The following EME1 variants were observed in gnomAD, a reference collection of about 807,000 sequenced individuals.
The protein encoded by EME1 is structure-specific endonuclease subunit EME1.
Under a neutral mutation model 59.1 loss-of-function variants are expected in EME1, and 61 were observed. That is an observed-to-expected ratio of 1.03 (90% CI 0.84 to 1.28). The LOEUF is 1.28. Among genes scored for constraint, EME1 ranks in the 50% most tolerant of loss-of-function variants. The pLI, the probability that EME1 is intolerant of heterozygous loss-of-function variation, is 0.00. For synonymous variants in EME1, 230 were observed against 254.2 expected, an observed-to-expected ratio of 0.90 and a Z score of 0.90; for missense variants, 635 against 682.6, an observed-to-expected ratio of 0.93 and a Z score of 0.78.
intron 1 of EME1, among the ~76,000 whole-genome samples, chr17:50,374,480 C>T (rs1435291550): frequency 1.3e-5 from 2 of 152,078 alleles, no homozygotes; most frequent in Admixed American, 1.3e-4. Context: ...CTCAAGTGAT[C>T]CTTCTGCTTT....
Position 50,375,332 on chromosome 17 carries a change from G to T in EME1, c.124G>T (p.Glu42Ter). Residue 42 changes from glutamate to a stop codon, truncating the protein, a stop_gained, in exon 2 of 9, where the codon GAG becomes TAG. Coordinates refer to ENST00000338165, the MANE Select transcript of EME1 (RefSeq NM_152463.4). LOFTEE classifies it high-confidence loss of function. ...AAAGAGGAGACAGCCTGAAAGGGAA[G>T]AGAAGATTGTAGTGGTTGACATCTC... ...STKRRQPEREEKIVVVDISDC... is the reference protein window; with the variant it reads ...STKRRQPERE 6.2e-7 allele frequency: 1 copy of T among 1,614,224 alleles called. No individual in the cohort carries two copies. Among genetic ancestry groups the T allele is most frequent in the Non-Finnish European group, 8.5e-7 (1 of 1,180,042 alleles).
chr17:50,378,391 C>G lies in EME1; in HGVS notation c.904-204C>G, dbSNP rs1479787422. ...TATGTTCCTTTCTTATTCACTGTCT[C>G]TGAGATGCAGGGCACCAAGACTGAA... is the stretch of plus-strand genomic sequence containing the variant. On this transcript the variant is annotated intron_variant, in intron 3 of 8. Transcript: ENST00000338165. 2.0e-5 allele frequency among the ~76,000 whole-genome samples: 3 copies of G among 152,186 alleles called. No individual in the cohort carries two copies. In the East Asian group the frequency reaches 5.8e-4, roughly 29 times the overall value.
intron 1 of EME1, chr17:50,374,952 T>A (rs1423065077): frequency 2.9e-6 from 1 of 347,042 alleles, no homozygotes; most frequent in African/African-American, 2.1e-5. Flanking sequence ...AATTTTGTAA[T>A]GGTAACTCTA....
Position 50,375,661 on chromosome 17 carries a change from A to G in EME1, c.453A>G (p.Pro151=). The G allele has an allele frequency of 6.2e-7, 1 of 1,614,134 alleles. No homozygotes were observed. The highest frequency in any genetic ancestry group is 8.5e-7 in the Non-Finnish European group (1 of 1,180,038). ...CTGAAGTTCCCCTCCATGATACCCCAGAGAGGAGTGCAGCAGATAACAAGG... is the reference window on the plus strand; with the variant it reads ...CTGAAGTTCCCCTCCATGATACCCCGGAGAGGAGTGCAGCAGATAACAAGG... ...KIPEVPLHDT[P]ERSAADNKDL... is the part of the protein sequence containing the mutation. The change falls in exon 2 of 9, where the codon CCA becomes CCG. Residue 151 remains proline (P), a synonymous_variant. Transcript: ENST00000338165.
At position 50,375,596 on chromosome 17, in the gene EME1, G is replaced by A; in HGVS notation, c.388G>A (p.Gly130Ser). 6.3e-7 allele frequency: 1 copy of A among 1,597,006 alleles called. No homozygotes were observed. The highest frequency in any genetic ancestry group is 1.1e-5 in the South Asian group (1 of 90,796). The change falls in exon 2 of 9, where the codon GGT (glycine) becomes AGT (serine). Residue 130 changes from glycine to serine, a missense_variant. Coordinates refer to ENST00000338165, the MANE Select transcript of EME1 (RefSeq NM_152463.4). ...KSVLDHQNNE[G>S]ASCDWKKPFP... ...TGTTTTGGATCATCAAAATAATGAAGGTGCATCATGTGACTGGAAAAAGCC... is the reference window on the plus strand; with the variant it reads ...TGTTTTGGATCATCAAAATAATGAAAGTGCATCATGTGACTGGAAAAAGCC...
rs1420896602 is a variant in EME1 at position 50,378,631 on chromosome 17, G to C, written c.940G>C (p.Val314Leu). The change falls in exon 4 of 9, where the codon GTG (valine) becomes CTG (leucine). Residue 314 changes from valine (V) to leucine (L), a missense_variant. By Grantham distance (32) the Val-to-Leu change is conservative (BLOSUM62 1). Coordinates refer to ENST00000338165, the MANE Select transcript of EME1 (RefSeq NM_152463.4). ...CTGGGTGGAGGAGCCAACAGTACTG[G>C]TGTTGCTCCGGGCAGAGGCATTTGT... ...EDWVEEPTVL[V>L]LLRAEAFVSM... The C allele has an allele frequency of 2.5e-6, 4 of 1,614,116 alleles. No homozygotes were observed. The East Asian group carries it at 8.9e-5, about 36-fold the overall frequency.
rs1469948782 is a variant in EME1, at chr17:50,373,859, GGATA to G, written c.-25+583_-25+586del. On this transcript the variant is annotated intron_variant, in intron 1 of 8. Coordinates refer to ENST00000338165, the MANE Select transcript of EME1 (RefSeq NM_152463.4). Reference sequence around the variant, plus strand: ...CAAATTAAATGTCCAAGTGATGAATGGATAAACAAAATGTAGCATATCCATACAG... The same window carrying G: ...CAAATTAAATGTCCAAGTGATGAATGAACAAAATGTAGCATATCCATACAG... 6.6e-5 allele frequency among the ~76,000 whole-genome samples: 10 copies of G among 152,288 alleles called. No homozygotes were observed. In the East Asian group the frequency reaches 1.9e-3, roughly 29 times the overall value.
At chr17:50,380,708 G>A (rs1395028231) in intron 8 of EME1, 55 bp from the exon 9 acceptor site, 15 of 1,607,992 alleles carry the variant, frequency 9.3e-6, no homozygotes, top group Non-Finnish European at 1.3e-5. Context: ...CCATGCTCAT[G>A]GAGAAGGGAT....
At position 50,379,443 on chromosome 17, in the gene EME1, G is replaced by T; in HGVS notation, c.1231-9G>T. The T allele has an allele frequency of 6.2e-7, 1 of 1,613,656 alleles. No homozygotes were observed. On this transcript the variant is annotated splice_polypyrimidine_tract_variant and intron_variant, in intron 6 of 8. Coordinates refer to ENST00000338165, the MANE Select transcript of EME1 (RefSeq NM_152463.4). ...CCCTTCCAGTCCATCGTTGCTTTTG[G>T]GTTTCTAGGCATTGGTGGATCTGCA... is the stretch of plus-strand genomic sequence containing the variant.
At chr17:50,379,014 G>A in intron 5 of EME1, 93 bp from the exon 6 acceptor site, 1 of 1,612,556 alleles carries the variant, frequency 6.2e-7, no homozygotes, top group Non-Finnish European at 8.5e-7. Flanking sequence ...TCTCTAACAA[G>A]TCCAGGGGGA....
In EME1 at chr17:50,378,611, T is replaced by C; in HGVS notation, c.920T>C (p.Val307Ala). Residue 307 changes from valine to alanine, a missense_variant, in exon 4 of 9, where the codon GTG becomes GCG. Coordinates refer to ENST00000338165, the MANE Select transcript of EME1 (RefSeq NM_152463.4). ...AGPSEDREDW[V>A]EEPTVLVLLR... ...CTTTGGCAGGACAGAGAGGACTGGG[T>C]GGAGGAGCCAACAGTACTGGTGTTG... The C allele has an allele frequency of 6.2e-7, 1 of 1,613,790 alleles. No individual in the cohort carries two copies. Among genetic ancestry groups the C allele is most frequent in the Non-Finnish European group, 8.5e-7 (1 of 1,179,954 alleles).
intron 5 of EME1, 73 bp from the exon 6 acceptor site, chr17:50,379,034 C>G (rs534628670): frequency 6.2e-7 from 1 of 1,613,402 alleles, no homozygotes; most frequent in South Asian, 1.1e-5. Flanking sequence ...ATGCTCTGGT[C>G]CAGTCTTCTT....
Position 50,379,165 on chromosome 17 carries a change from C to A in EME1, c.1171C>A (p.Gln391Lys). 3 of 1,614,164 alleles carry A rather than the reference C, an allele frequency of 1.9e-6. No individual in the cohort carries two copies. Among genetic ancestry groups the A allele is most frequent in the Non-Finnish European group, 2.5e-6 (3 of 1,180,038 alleles). The change falls in exon 6 of 9, where the codon CAG (glutamine) becomes AAG (lysine). Residue 391 changes from glutamine to lysine, a missense_variant. Gln to Lys is a moderately conservative substitution (Grantham distance 53). Coordinates refer to ENST00000338165, the MANE Select transcript of EME1 (RefSeq NM_152463.4). ...AGCAAATAAACAGACCAAGAAGCAG[C>A]AGCAGAGACAACCAGAGGCCAGCAT... ...QGANKQTKKQ[Q>K]QRQPEASIGS...
At position 50,375,343 on chromosome 17, in the gene EME1, A is replaced by G; in HGVS notation, c.135A>G (p.Val45=). 8 of 1,614,238 alleles carry G rather than the reference A, an allele frequency of 5.0e-6. No homozygotes were observed. Among genetic ancestry groups the G allele is most frequent in the Non-Finnish European group, 6.8e-6 (8 of 1,180,038 alleles). Residue 45 remains valine (V), a synonymous_variant, in exon 2 of 9, where the codon GTA becomes GTG. Coordinates refer to ENST00000338165, the MANE Select transcript of EME1 (RefSeq NM_152463.4). ...AGCCTGAAAGGGAAGAGAAGATTGT[A>G]GTGGTTGACATCTCAGATTGTGAAG... ...RRQPEREEKI[V]VVDISDCEAS... is the part of the protein sequence containing the mutation.
chr17:50,376,298 C>G (rs72832477), intron 3 of EME1, 105 bp downstream of exon 3: 20,866 of 1,491,270 alleles, frequency 0.014, 270 homozygotes, highest in Middle Eastern at 0.041. Context: ...AGCAGGAAGA[C>G]AGATGGCACA....
intron 1 of EME1, among the ~76,000 whole-genome samples, chr17:50,373,906 A>G (rs1913291803): frequency 6.6e-6 from 1 of 152,276 alleles, no homozygotes; most frequent in Non-Finnish European, 1.5e-5. Flanking sequence ...TTATTCAGTC[A>G]TGAAAAGCAA....
chr17:50,379,363 A>C, intron 6 of EME1, 89 bp from the exon 7 acceptor site: 2 of 1,585,426 alleles, frequency 1.3e-6, no homozygotes, highest in Admixed American at 1.7e-5. Context: ...ACAGGAAGCC[A>C]AGGGGCTGGG....
chr17:50,374,505 C>T (rs1913344698), intron 1 of EME1, among the ~76,000 whole-genome samples: 1 of 152,230 alleles, frequency 6.6e-6, no homozygotes, highest in Middle Eastern at 3.4e-3. Flanking sequence ...TCCCAAAGTG[C>T]TGGGATTATA....
At position 50,375,308 on chromosome 17, in the gene EME1, A is replaced by C; in HGVS notation, c.100A>C (p.Lys34Gln). 2 of 1,614,198 alleles carry C rather than the reference A, an allele frequency of 1.2e-6. No individual in the cohort carries two copies. Among genetic ancestry groups the C allele is most frequent in the African/African-American group, 1.3e-5 (1 of 75,050 alleles). Residue 34 changes from lysine (K) to glutamine (Q), a missense_variant, in exon 2 of 9, where the codon AAG (lysine) becomes CAG (glutamine). Transcript: ENST00000338165. Reference sequence around the variant, plus strand: ...TCTGAAGAAGGAACCATCTTCAACAAAGAGGAGACAGCCTGAAAGGGAAGA... The same window carrying C: ...TCTGAAGAAGGAACCATCTTCAACACAGAGGAGACAGCCTGAAAGGGAAGA... The part of the protein sequence containing the change: ...AFLKKEPSST[K>Q]RRQPEREEKI...
Sources: gnomAD v4.1 joint callset for allele counts (sites outside exome capture counted in the v4.1 genomes callset) on GRCh38, gnomAD v4.1.1 for gene constraint, MANE v1.5 for transcripts, NCBI Gene and HGNC (gene_info 2026-07-23, HGNC 2026-07-21) for gene names.